Variants in RBMS3 observed in about 807,000 individuals in gnomAD.
RBMS3 encodes the protein RNA-binding motif, single-stranded-interacting protein 3.
A neutral mutation model predicts 66.8 loss-of-function variants in RBMS3; 27 were observed. The observed-to-expected ratio is 0.40, with a 90% confidence interval of 0.30 to 0.56. The LOEUF (loss-of-function observed/expected upper bound fraction) is 0.56, where lower values mean the gene tolerates loss of function less well. Among genes scored for constraint, RBMS3 ranks in the 20% least tolerant of loss-of-function variants. The pLI is 0.40. For missense variants in RBMS3, 513 were observed against 549.5 expected, an observed-to-expected ratio of 0.93 and a Z score of 0.66; for synonymous variants, 188 against 183.0, an observed-to-expected ratio of 1.03 and a Z score of -0.22.
chr3:29,367,114 T>C (rs2037954307), intron 1 of RBMS3, among the ~76,000 whole-genome samples: 1 of 152,126 alleles, frequency 6.6e-6, no homozygotes, highest in Admixed American at 6.6e-5. Context: ...ATATACAGTA[T>C]TTATGGAGAG....
intron 4 of RBMS3, among the ~76,000 whole-genome samples, chr3:29,595,342 TG>T (rs1391795974): frequency 7.0e-6 from 1 of 143,220 alleles, no homozygotes; most frequent in Non-Finnish European, 1.5e-5. Flanking sequence ...GAGGTTGCAG[TG>T]AACCAAGATC....
At chr3:29,677,791 A>G (rs1437353504) in intron 4 of RBMS3, among the ~76,000 whole-genome samples, 1 of 152,132 alleles carries the variant, frequency 6.6e-6, no homozygotes, top group African/African-American at 2.4e-5. Flanking sequence ...ATAATGAAGG[A>G]TAACCTAATA....
chr3:29,741,485 C>T (rs889656570), intron 5 of RBMS3, among the ~76,000 whole-genome samples: 4 of 152,194 alleles, frequency 2.6e-5, no homozygotes, highest in African/African-American at 9.7e-5. Flanking sequence ...CTTTACATAC[C>T]ATACACATTC....
chr3:29,502,473 C>T (rs566885555), intron 3 of RBMS3, among the ~76,000 whole-genome samples: 6 of 152,120 alleles, frequency 3.9e-5, no homozygotes, highest in East Asian at 1.9e-4. Flanking sequence ...GTTTTGAGTT[C>T]GCATAAAGGC....
intron 3 of RBMS3, among the ~76,000 whole-genome samples, chr3:29,507,412 T>C (rs2044223464): frequency 6.6e-6 from 1 of 152,068 alleles, no homozygotes; most frequent in South Asian, 2.1e-4. Flanking sequence ...GTTAAAACTA[T>C]AGAGTATTTT....
At chr3:29,927,448 G>T (rs1007083220) in intron 10 of RBMS3, among the ~76,000 whole-genome samples, 1 of 152,150 alleles carries the variant, frequency 6.6e-6, no homozygotes, top group East Asian at 1.9e-4. Flanking sequence ...ATAAGGTATT[G>T]CTAATGATAC....
intron 12 of RBMS3, among the ~76,000 whole-genome samples, chr3:29,963,683 T>A (rs1180469455): frequency 6.6e-6 from 1 of 151,720 alleles, no homozygotes; most frequent in East Asian, 1.9e-4. Context: ...CAAAAATTAA[T>A]TGGGTGTGGT....
At chr3:29,552,782 G>A (rs974914787) in intron 3 of RBMS3, among the ~76,000 whole-genome samples, 1 of 152,126 alleles carries the variant, frequency 6.6e-6, no homozygotes, top group South Asian at 2.1e-4. Flanking sequence ...AAATATATGT[G>A]TTCTCTTTGC....
At chr3:29,890,067 T>G (rs1174236436) in intron 8 of RBMS3, among the ~76,000 whole-genome samples, 2 of 151,704 alleles carry the variant, frequency 1.3e-5, no homozygotes, top group Non-Finnish European at 3.0e-5. Context: ...CATTCAGAAA[T>G]TAAAGAAATA....
chr3:29,675,435 A>T (rs181490221), intron 4 of RBMS3, among the ~76,000 whole-genome samples: 14 of 152,352 alleles, frequency 9.2e-5, no homozygotes, highest in African/African-American at 3.4e-4. Context: ...ATGGGATCTA[A>T]TTAAACTAAA....
At chr3:29,566,040 G>C (rs997934984) in intron 3 of RBMS3, among the ~76,000 whole-genome samples, 1 of 152,100 alleles carries the variant, frequency 6.6e-6, no homozygotes, top group African/African-American at 2.4e-5. Flanking sequence ...CAAATGAAAG[G>C]CTTTTAATTT....
At position 29,743,335 on chromosome 3, in the gene RBMS3, T is replaced by C. The variant is rs2054724543; in HGVS notation, c.557+3458T>C. On this transcript the variant is annotated intron_variant, in intron 5 of 14. Transcript: ENST00000383767. ...TTCCCTCTGAACCACAAAACAGAGA[T>C]GATTTCAGTCACCATTTTCTTGATT... Among the ~76,000 whole-genome samples the C allele has an allele frequency of 2.0e-5, 3 of 152,238 alleles. 1 individual carries two copies. The South Asian group carries it at 6.2e-4, about 32-fold the overall frequency.
At chr3:29,625,334 A>G (rs981109128) in intron 4 of RBMS3, among the ~76,000 whole-genome samples, 3 of 152,156 alleles carry the variant, frequency 2.0e-5, no homozygotes, top group Non-Finnish European at 4.4e-5. Flanking sequence ...GTAACAGACC[A>G]CATAGAACCA....
intron 4 of RBMS3, among the ~76,000 whole-genome samples, chr3:29,594,624 T>A (rs2047878811): frequency 1.3e-5 from 2 of 152,224 alleles, no homozygotes; most frequent in Non-Finnish European, 2.9e-5. Flanking sequence ...TTGAAAATTT[T>A]AAAATTTTCT....
chr3:29,752,191 G>A (rs936883858), intron 5 of RBMS3, among the ~76,000 whole-genome samples: 9 of 152,166 alleles, frequency 5.9e-5, no homozygotes, highest in African/African-American at 1.9e-4. Flanking sequence ...ATCTTCCCCT[G>A]GAGTTGGGCC....
At chr3:29,293,312 G>A (rs899627536) in intron 1 of RBMS3, among the ~76,000 whole-genome samples, 3 of 151,752 alleles carry the variant, frequency 2.0e-5, no homozygotes, top group Admixed American at 6.6e-5. Flanking sequence ...GAAGGAAAAA[G>A]CAACATTAGT....
intron 3 of RBMS3, among the ~76,000 whole-genome samples, chr3:29,511,023 G>T (rs1011546342): frequency 3.3e-5 from 5 of 152,206 alleles, no homozygotes; most frequent in Non-Finnish European, 1.5e-5. Context: ...TTTTGGCCGG[G>T]CGTGGTGGCT....
intron 1 of RBMS3, among the ~76,000 whole-genome samples, chr3:29,379,116 C>CAT (rs1419581103): frequency 1.3e-5 from 2 of 152,130 alleles, no homozygotes; most frequent in African/African-American, 2.4e-5. Context: ...ACTGAACACA[C>CAT]ATATATATGT....
At chr3:29,590,072 C>A (rs1195264472) in intron 4 of RBMS3, among the ~76,000 whole-genome samples, 1 of 141,236 alleles carries the variant, frequency 7.1e-6, no homozygotes, top group African/African-American at 2.6e-5. Flanking sequence ...TACTGTTCTG[C>A]CACAAAGGAG....
Sources: allele counts gnomAD v4.1 joint callset (sites outside exome capture counted in the v4.1 genomes callset), GRCh38; gene constraint gnomAD v4.1.1; transcripts MANE v1.5; gene names NCBI Gene and HGNC (gene_info 2026-07-23, HGNC 2026-07-21).